The following C3orf20 variants were observed in gnomAD, a reference collection of about 807,000 sequenced individuals.
The protein encoded by C3orf20 is family with sequence similarity 149 member C.
C3orf20 carries 76 observed loss-of-function variants against 88.3 expected under a neutral mutation model. The ratio of observed to expected loss-of-function variants is 0.86; its 90% CI spans 0.72 to 1.04. The LOEUF is 1.04. Among genes scored for constraint, C3orf20 ranks in the 50% least tolerant of loss-of-function variants. The probability of loss-of-function intolerance (pLI) is 0.00; values close to 1 mark genes in which losing one functional copy is unlikely to be tolerated. For synonymous variants in C3orf20, 436 were observed against 437.4 expected, an observed-to-expected ratio of 1.00 and a Z score of 0.04; for missense variants, 1,056 against 1,123.3, an observed-to-expected ratio of 0.94 and a Z score of 0.86.
intron 11 of C3orf20, 107 bp from the exon 12 acceptor site, chr3:14,728,332 G>A: frequency 7.4e-7 from 1 of 1,349,044 alleles, no homozygotes; most frequent in Non-Finnish European, 1.0e-6. Context: ...GCGGAGGGGA[G>A]GAGATGGGGG....
At chr3:14,685,484 G>A (rs201912466) in intron 4 of C3orf20, among the ~76,000 whole-genome samples, 3 of 141,368 alleles carry the variant, frequency 2.1e-5, no homozygotes, top group Admixed American at 6.8e-5. Context: ...CTCTCTCTGT[G>A]CGTGCGTGCG....
rs759054514 is a variant in C3orf20 at position 14,714,189 on chromosome 3, C to T, written c.1313+30C>T. On this transcript the variant is annotated intron_variant, in intron 8 of 16. Coordinates refer to ENST00000253697, the MANE Select transcript of C3orf20 (RefSeq NM_032137.5). ...GTGGACTGGGAGAGTACTAGTCACA[C>T]GGAAGTACCTCTGAGGGTGATGGAG... The T allele has an allele frequency of 4.5e-5, 72 of 1,609,720 alleles. No individual in the cohort carries two copies. The East Asian group carries it at 1.2e-3, about 27-fold the overall frequency.
At chr3:14,730,189 TG>T (rs2034491228) in intron 12 of C3orf20, among the ~76,000 whole-genome samples, 1 of 152,236 alleles carries the variant, frequency 6.6e-6, no homozygotes, top group African/African-American at 2.4e-5. Flanking sequence ...CCCAACATTA[TG>T]ATTGTGAGAT....
intron 13 of C3orf20, among the ~76,000 whole-genome samples, chr3:14,759,113 GGA>G (rs1425488897): frequency 6.6e-6 from 1 of 152,230 alleles, no homozygotes; most frequent in Admixed American, 6.5e-5. Context: ...AGTTCATAAA[GGA>G]GTGGGCAGCA....
intron 10 of C3orf20, 121 bp from the exon 11 acceptor site, chr3:14,726,774 CAGGTAG>C: frequency 7.7e-7 from 1 of 1,296,792 alleles, no homozygotes; most frequent in Non-Finnish European, 1.1e-6. Context: ...AGGTGTGTTC[CAGGTAG>C]GGGTAGGGGG....
intron 12 of C3orf20, among the ~76,000 whole-genome samples, chr3:14,741,438 A>G (rs1358775204): frequency 6.6e-6 from 1 of 152,138 alleles, no homozygotes; most frequent in Non-Finnish European, 1.5e-5. Flanking sequence ...GCTCACTTTC[A>G]TTAGTTTCTC....
rs984509496 is a variant in C3orf20 at position 14,761,463 on chromosome 3, C to A, written c.2353-10C>A. 18 of 1,613,916 alleles carry A rather than the reference C, an allele frequency of 1.1e-5. No homozygotes were observed. The highest frequency in any genetic ancestry group is 1.4e-5 in the Non-Finnish European group (17 of 1,180,004). ...CTGAGGATCTCTCCTCATTTCCTTCCTGTCAACAGATGTTTGCCGGGGGGA... is the reference window on the plus strand; with the variant it reads ...CTGAGGATCTCTCCTCATTTCCTTCATGTCAACAGATGTTTGCCGGGGGGA... On this transcript the variant is annotated splice_polypyrimidine_tract_variant and intron_variant, in intron 14 of 16. Transcript: ENST00000253697.
intron 12 of C3orf20, among the ~76,000 whole-genome samples, chr3:14,744,010 C>T (rs568138325): frequency 6.6e-6 from 1 of 152,192 alleles, no homozygotes; most frequent in South Asian, 2.1e-4. Context: ...TGGAAATTAA[C>T]ATTAGGCTCC....
chr3:14,721,925 C>T (rs1243931222), intron 10 of C3orf20, 141 bp downstream of exon 10: 1 of 1,023,086 alleles, frequency 9.8e-7, no homozygotes. Context: ...CCATTATTCA[C>T]CACCTACTCT....
At position 14,768,735 on chromosome 3, in the gene C3orf20, G is replaced by A. The variant is rs542781942; in HGVS notation, c.2496-3332G>A. 5.3e-5 allele frequency among the ~76,000 whole-genome samples: 8 copies of A among 152,126 alleles called. No homozygotes were observed. The East Asian group carries it at 9.6e-4, about 18-fold the overall frequency. On this transcript the variant is annotated intron_variant, in intron 15 of 16. Transcript: ENST00000253697. This position sits in a 1 kb window ranked among gnomAD's most constrained non-coding sequence, Gnocchi z 4.1. The stretch of plus-strand genomic sequence containing the variant: ...GGGGCTCAGAAATAGTGGGCTAGCC[G>A]CAATACCATGGGGAGGTGGGCTCCA...
chr3:14,744,943 C>T (rs1432128767), intron 12 of C3orf20, among the ~76,000 whole-genome samples: 3 of 152,184 alleles, frequency 2.0e-5, no homozygotes, highest in Non-Finnish European at 2.9e-5. Flanking sequence ...TTCCTTCTTC[C>T]TGTGTACTCT....
intron 4 of C3orf20, among the ~76,000 whole-genome samples, chr3:14,688,138 A>T (rs1376827405): frequency 6.6e-6 from 1 of 152,050 alleles, no homozygotes; most frequent in Non-Finnish European, 1.5e-5. Flanking sequence ...GAAGATTCAA[A>T]CTCTGATGAT....
intron 12 of C3orf20, among the ~76,000 whole-genome samples, chr3:14,733,199 A>G (rs920028690): frequency 5.3e-5 from 8 of 151,980 alleles, no homozygotes; most frequent in Non-Finnish European, 1.2e-4. Context: ...CCTTTCTTGT[A>G]ATGTTTTTAT....
rs368970115 is a variant in C3orf20, at chr3:14,772,800, G to T, written c.2640G>T (p.Glu880Asp). Reference sequence around the variant, plus strand: ...CTATTTTGATCTTTAGGACAAGAGAGCCTGAAGTGGAGCTACATCCTCTCA... The same window carrying T: ...CTATTTTGATCTTTAGGACAAGAGATCCTGAAGTGGAGCTACATCCTCTCA... ...ELSLEAEKTREPEVELHPLSR... is the reference protein window; with the variant it reads ...ELSLEAEKTRDPEVELHPLSR... The change falls in exon 17 of 17, where the codon GAG becomes GAT. Residue 880 changes from glutamate (E) to aspartate (D), a missense_variant. By Grantham distance (45) the Glu-to-Asp change is conservative (BLOSUM62 2). Coordinates refer to ENST00000253697, the MANE Select transcript of C3orf20 (RefSeq NM_032137.5). The surrounding 1 kb of genome is among the most constrained non-coding windows in gnomAD (Gnocchi z 4.2). 10 of 1,613,596 alleles carry T rather than the reference G, an allele frequency of 6.2e-6. No individual in the cohort carries two copies. The highest frequency in any genetic ancestry group is 5.0e-5 in the Admixed American group (3 of 60,008).
chr3:14,678,788 G>A (rs559446309), intron 1 of C3orf20, among the ~76,000 whole-genome samples: 8 of 152,328 alleles, frequency 5.3e-5, no homozygotes, highest in East Asian at 1.9e-4. Context: ...TAAAAGAGAA[G>A]ACATGGCCCC....
rs999507753 is a variant in C3orf20 at position 14,744,548 on chromosome 3, C to T, written c.1941-12823C>T. The stretch of plus-strand genomic sequence containing the variant: ...CGGGTATCTTTTCAGCAATGCCCCA[C>T]TCTACTGGTACCAATTTACTGTATT... On this transcript the variant is annotated intron_variant, in intron 12 of 16. Transcript: ENST00000253697. Among the ~76,000 whole-genome samples the T allele has an allele frequency of 2.6e-5, 4 of 151,958 alleles. No homozygotes were observed. The East Asian group carries it at 7.7e-4, about 29-fold the overall frequency.
chr3:14,691,044 G>A (rs929583587), intron 5 of C3orf20, among the ~76,000 whole-genome samples: 5 of 152,236 alleles, frequency 3.3e-5, no homozygotes, highest in Admixed American at 3.3e-4. Context: ...ACCATATCGA[G>A]CTGATCCTAT....
chr3:14,692,921 TA>T (rs2032803613), intron 5 of C3orf20, among the ~76,000 whole-genome samples: 1 of 152,110 alleles, frequency 6.6e-6, no homozygotes, highest in Admixed American at 6.5e-5. Flanking sequence ...TGGTGAGAGA[TA>T]GGGGTCCTTC....
chr3:14,708,853 A>T (rs1419193969), intron 7 of C3orf20, among the ~76,000 whole-genome samples: 1 of 152,180 alleles, frequency 6.6e-6, no homozygotes, highest in Non-Finnish European at 1.5e-5. Flanking sequence ...CATGTTGGCC[A>T]GGCTGGTCTT....
Sources: gnomAD v4.1 joint callset for allele counts (sites outside exome capture counted in the v4.1 genomes callset) on GRCh38, gnomAD v4.1.1 for gene constraint, Gnocchi (gnomAD v3.1) non-coding constraint, MANE v1.5 for transcripts, NCBI Gene and HGNC (gene_info 2026-07-23, HGNC 2026-07-21) for gene names.